The following ELOVL6 variants were observed in gnomAD, a reference collection of about 807,000 sequenced individuals.
ELOVL6 encodes the protein ELOVL fatty acid elongase 6, also known as very long chain fatty acid elongase 6.
A neutral mutation model predicts 31.7 loss-of-function variants in ELOVL6; 8 were observed. The observed-to-expected ratio is 0.25, with a 90% CI of 0.15 to 0.45. The LOEUF (loss-of-function observed/expected upper bound fraction) is 0.45, where lower values mean the gene tolerates loss of function less well. Among genes scored for constraint, ELOVL6 ranks in the 20% least tolerant of loss-of-function variants. The pLI is 1.00. For missense variants in ELOVL6, 126 were observed against 326.4 expected (o/e 0.39, Z 4.73); for synonymous variants, 101 against 117.7 (o/e 0.86, Z 0.92).
chr4:110,133,824 A>G (rs1757735980), intron 1 of ELOVL6, among the ~76,000 whole-genome samples: 1 of 152,238 alleles, frequency 6.6e-6, no homozygotes, highest in South Asian at 2.1e-4. Context: ...CCTCATAGTT[A>G]CTTAGGCAGG....
chr4:110,117,903 A>AAAAAAATATATATAT, intron 1 of ELOVL6: 1 of 6,504 alleles, frequency 1.5e-4, no homozygotes, highest in African/African-American at 3.3e-4. Context: ...AAAAAAAAAA[A>AAAAAAATATATATAT]ATATATATAT....
chr4:110,062,536 AAC>A (rs770590984), intron 2 of ELOVL6, among the ~76,000 whole-genome samples: 13 of 152,220 alleles, frequency 8.5e-5, no homozygotes, highest in Non-Finnish European at 1.6e-4. Context: ...TTTTTATCAC[AAC>A]AGTGTCACAT....
At chr4:110,084,303 T>C (rs1268953273) in intron 2 of ELOVL6, among the ~76,000 whole-genome samples, 1 of 111,882 alleles carries the variant, frequency 8.9e-6, no homozygotes, top group African/African-American at 3.3e-5. Flanking sequence ...ATATGATATA[T>C]AACATATAAC....
intron 1 of ELOVL6, among the ~76,000 whole-genome samples, chr4:110,129,653 T>C (rs1403488287): frequency 6.6e-6 from 1 of 152,220 alleles, no homozygotes; most frequent in Non-Finnish European, 1.5e-5. Context: ...TCTTCTCTTT[T>C]CTTCCTAGTC....
chr4:110,110,463 A>G (rs1219944614), intron 1 of ELOVL6, among the ~76,000 whole-genome samples: 1 of 130,222 alleles, frequency 7.7e-6, no homozygotes, highest in Non-Finnish European at 1.5e-5. Flanking sequence ...GCTGGAGCGT[A>G]GTGGTGTGAT....
intron 1 of ELOVL6, among the ~76,000 whole-genome samples, chr4:110,112,792 T>A (rs1325736830): frequency 6.6e-6 from 1 of 152,150 alleles, no homozygotes; most frequent in East Asian, 1.9e-4. Context: ...GAGAATCTCT[T>A]GAACCTGGGA....
At chr4:110,144,378 C>T (rs4698812) in intron 1 of ELOVL6, among the ~76,000 whole-genome samples, 77,618 of 152,066 alleles carry the variant, frequency 0.51, 21,357 homozygotes, top group East Asian at 0.65. Context: ...AATCGATAAA[C>T]GACCCCATGC....
chr4:110,173,775 T>G lies in ELOVL6; in HGVS notation c.89+24472A>C, dbSNP rs1424758610. Among the ~76,000 whole-genome samples the G allele has an allele frequency of 2.6e-5, 4 of 151,570 alleles. 1 individual carries two copies. Among genetic ancestry groups the G allele is most frequent in the Admixed American group, 6.6e-5 (1 of 15,196 alleles). On this transcript the variant is annotated intron_variant, in intron 1 of 3. Coordinates refer to ENST00000302274, the MANE Select transcript of ELOVL6 (RefSeq NM_024090.3). ...AGAAATAAGATAAAATAGCATTACC[T>G]TGGGAGCTAAATGATAAGAACTTAT...
intron 1 of ELOVL6, among the ~76,000 whole-genome samples, chr4:110,195,032 G>T: frequency 6.6e-6 from 1 of 152,146 alleles, no homozygotes; most frequent in Admixed American, 6.5e-5. Flanking sequence ...GTCTGAAAAA[G>T]GTAAGATTTT....
chr4:110,107,702 T>C (rs1342936963), intron 1 of ELOVL6, among the ~76,000 whole-genome samples: 1 of 152,180 alleles, frequency 6.6e-6, no homozygotes, highest in East Asian at 1.9e-4. Flanking sequence ...TTTATGCACA[T>C]ATAAGCAAAG....
At chr4:110,159,856 G>A (rs1290646139) in intron 1 of ELOVL6, among the ~76,000 whole-genome samples, 1 of 151,980 alleles carries the variant, frequency 6.6e-6, no homozygotes, top group African/African-American at 2.4e-5. Context: ...GTATCTCATT[G>A]CTATTTTATT....
At chr4:110,105,092 T>C (rs1198821534) in intron 2 of ELOVL6, among the ~76,000 whole-genome samples, 2 of 152,220 alleles carry the variant, frequency 1.3e-5, no homozygotes, top group Non-Finnish European at 2.9e-5. Context: ...TGTCATCTTT[T>C]GATTAAGTGT....
chr4:110,154,394 A>G (rs1758359331), intron 1 of ELOVL6, among the ~76,000 whole-genome samples: 1 of 152,160 alleles, frequency 6.6e-6, no homozygotes, highest in East Asian at 1.9e-4. Context: ...AGCTGGGATT[A>G]CAGACATGCA....
At position 110,059,661 on chromosome 4, in the gene ELOVL6, A is replaced by G. The variant is rs112331220; in HGVS notation, c.315T>C (p.Asn105=). Residue 105 remains asparagine (N), a synonymous_variant, in exon 3 of 4, where the codon AAT becomes AAC. Transcript: ENST00000302274. ...AAGCCCAGAATTTGCTGACAGGTCCATTGTAAAAACCCTGGTCACAAACTG... is the reference window on the plus strand; with the variant it reads ...AAGCCCAGAATTTGCTGACAGGTCCGTTGTAAAAACCCTGGTCACAAACTG... The part of the protein sequence containing the change: ...KQSVCDQGFY[N]GPVSKFWAYA... 12 of 1,614,038 alleles carry G rather than the reference A, an allele frequency of 7.4e-6. No homozygotes were observed. The highest frequency in any genetic ancestry group is 6.6e-5 in the South Asian group (6 of 91,080).
intron 2 of ELOVL6, among the ~76,000 whole-genome samples, chr4:110,076,016 T>C (rs1436103838): frequency 6.6e-6 from 1 of 152,192 alleles, no homozygotes; most frequent in Admixed American, 6.5e-5. Context: ...TGAAACAATT[T>C]GACCAAAACT....
intron 3 of ELOVL6, among the ~76,000 whole-genome samples, chr4:110,059,011 T>C (rs900387807): frequency 1.3e-5 from 2 of 152,202 alleles, no homozygotes; most frequent in Non-Finnish European, 2.9e-5. Flanking sequence ...CATTCAAGGG[T>C]TGAGGGAAAA....
At chr4:110,168,113 T>C (rs1001883701) in intron 1 of ELOVL6, among the ~76,000 whole-genome samples, 6 of 152,180 alleles carry the variant, frequency 3.9e-5, no homozygotes, top group African/African-American at 1.4e-4. Flanking sequence ...TAAGTGAACA[T>C]AAAAGAGATT....
rs1759883887 is a variant in ELOVL6, at chr4:110,198,416, C to T, written c.-81G>A. On this transcript the variant is annotated 5_prime_UTR_variant, in exon 1 of 4. Transcript: ENST00000302274. ...AAAGCGCTTGATTTCGAGTGTTCTC[C>T]TGTCTGCTTCCCCCACCCACCCCCC... 2.3e-6 allele frequency: 2 copies of T among 876,822 alleles called. No homozygotes were observed. The highest frequency in any genetic ancestry group is 1.9e-5 in the Admixed American group (1 of 51,688). The allele number at this position is 876,822 out of a possible 1,614,324, so 54.3% of individuals were successfully genotyped here.
chr4:110,196,738 C>A (rs1304159616), intron 1 of ELOVL6, among the ~76,000 whole-genome samples: 2 of 152,062 alleles, frequency 1.3e-5, no homozygotes, highest in Non-Finnish European at 2.9e-5. Context: ...ACCGCCGCCA[C>A]CAGCCACGCC....
Sources: gnomAD v4.1 joint callset for allele counts (sites outside exome capture counted in the v4.1 genomes callset) on GRCh38, gnomAD v4.1.1 for gene constraint, MANE v1.5 for transcripts, NCBI Gene and HGNC (gene_info 2026-07-23, HGNC 2026-07-21) for gene names.